COP1: variants seen among roughly 807,000 people sequenced by gnomAD.
COP1 encodes COP1 E3 ubiquitin ligase.
COP1 carries 24 observed loss-of-function variants against 101.3 expected under a neutral mutation model. The ratio of observed to expected loss-of-function variants is 0.24; its 90% CI spans 0.17 to 0.33. The LOEUF is 0.33. COP1 is among the 10% of genes least tolerant of loss of function. The pLI is 1.00. For synonymous variants in COP1, 347 were observed against 341.9 expected (o/e 1.01, Z -0.17); for missense variants, 663 against 906.2 (o/e 0.73, Z 3.45).
At chr1:176,168,420 G>A (rs1045327253) in intron 3 of COP1, among the ~76,000 whole-genome samples, 1 of 148,746 alleles carries the variant, frequency 6.7e-6, no homozygotes, top group Non-Finnish European at 1.5e-5. Flanking sequence ...GGGGGAGTAC[G>A]GGGGAAAGGA....
chr1:176,109,926 G>A (rs1025478480), intron 9 of COP1, among the ~76,000 whole-genome samples: 1 of 152,070 alleles, frequency 6.6e-6, no homozygotes, highest in Middle Eastern at 3.4e-3. Context: ...ATCTAAAAAT[G>A]AAAGCATTCA....
intron 15 of COP1, among the ~76,000 whole-genome samples, chr1:175,997,696 G>A (rs1660525160): frequency 6.6e-6 from 1 of 152,160 alleles, no homozygotes; most frequent in Non-Finnish European, 1.5e-5. Context: ...AAACCACAAT[G>A]AGATACCATC....
intron 5 of COP1, among the ~76,000 whole-genome samples, chr1:176,152,682 T>A (rs1346196782): frequency 6.6e-6 from 1 of 152,128 alleles, no homozygotes; most frequent in Non-Finnish European, 1.5e-5. Context: ...TCCTAAGTGA[T>A]CTGCCTTCCT....
At chr1:175,984,946 G>A (rs931118345) in intron 18 of COP1, among the ~76,000 whole-genome samples, 13 of 152,154 alleles carry the variant, frequency 8.5e-5, no homozygotes, top group African/African-American at 3.1e-4. Context: ...CTGATTTGCT[G>A]ATGATTTTAC....
At chr1:176,069,354 C>CA (rs949427281) in intron 11 of COP1, among the ~76,000 whole-genome samples, 1 of 152,180 alleles carries the variant, frequency 6.6e-6, no homozygotes, top group African/African-American at 2.4e-5. Context: ...TTTAAAGCAG[C>CA]ATTTCAAATG....
At chr1:176,196,793 A>C (rs932730449) in intron 1 of COP1, among the ~76,000 whole-genome samples, 2 of 151,904 alleles carry the variant, frequency 1.3e-5, no homozygotes, top group Middle Eastern at 3.2e-3. Context: ...TAATCCCAGC[A>C]CTTTGAGAGG....
chr1:175,947,262 A>G (rs755213933), intron 18 of COP1, 23 bp from the exon 19 acceptor site: 30 of 1,571,260 alleles, frequency 1.9e-5, no homozygotes, highest in Non-Finnish European at 2.5e-5. Flanking sequence ...AAGAGCTTTT[A>G]AAGTATAGAG....
At chr1:176,155,093 T>G (rs1006906686) in intron 5 of COP1, among the ~76,000 whole-genome samples, 1 of 152,098 alleles carries the variant, frequency 6.6e-6, no homozygotes, top group Non-Finnish European at 1.5e-5. Flanking sequence ...GACAACACTT[T>G]CACAGTACAA....
At chr1:176,042,024 A>G (rs1670639166) in intron 14 of COP1, among the ~76,000 whole-genome samples, 1 of 152,138 alleles carries the variant, frequency 6.6e-6, no homozygotes, top group Non-Finnish European at 1.5e-5. Flanking sequence ...AGGCAAAAGA[A>G]TCGCTTGAAC....
intron 11 of COP1, among the ~76,000 whole-genome samples, chr1:176,050,478 C>T (rs943195948): frequency 3.3e-5 from 5 of 152,112 alleles, no homozygotes; most frequent in African/African-American, 1.2e-4. Flanking sequence ...CAACTTATAT[C>T]AAATTAAAAT....
In COP1 at chr1:176,034,490, C is replaced by CT. The variant is rs896632035; in HGVS notation, c.1613-6803dup. Reference sequence around the variant, plus strand: ...ATTTTTCTTATTTATTCTCTTGCTTCTTTGCCCTTGTGGTGGGCCCTACTA... The same window carrying CT: ...ATTTTTCTTATTTATTCTCTTGCTTCTTTTGCCCTTGTGGTGGGCCCTACTA... On this transcript the variant is annotated intron_variant, in intron 14 of 19. Coordinates refer to ENST00000367669, the MANE Select transcript of COP1 (RefSeq NM_022457.7). Among the ~76,000 whole-genome samples, 18 of 152,296 alleles carry CT rather than the reference C, an allele frequency of 1.2e-4. No homozygotes were observed. In the East Asian group the frequency reaches 3.5e-3, roughly 29 times the overall value.
At chr1:176,158,876 G>A (rs937059403) in intron 5 of COP1, among the ~76,000 whole-genome samples, 18 of 152,112 alleles carry the variant, frequency 1.2e-4, no homozygotes, top group African/African-American at 4.3e-4. Context: ...CCTGAGCTCA[G>A]GCAATCCACC....
At chr1:176,038,817 CAAA>C (rs57682179) in intron 14 of COP1, among the ~76,000 whole-genome samples, 15 of 133,680 alleles carry the variant, frequency 1.1e-4, no homozygotes, top group Admixed American at 1.5e-4. Flanking sequence ...GACTCCATCT[CAAA>C]AAAAAAAAAA....
At chr1:176,156,803 T>C (rs1489787289) in intron 5 of COP1, among the ~76,000 whole-genome samples, 1 of 152,060 alleles carries the variant, frequency 6.6e-6, no homozygotes, top group Non-Finnish European at 1.5e-5. Flanking sequence ...TCAAAATACA[T>C]GAAGCAAAAA....
intron 8 of COP1, among the ~76,000 whole-genome samples, chr1:176,120,909 T>C (rs1687011972): frequency 6.6e-6 from 1 of 152,120 alleles, no homozygotes. Flanking sequence ...AAGAGAAATT[T>C]TTAATCGATG....
chr1:176,163,932 T>C, intron 3 of COP1, 41 bp from the exon 4 acceptor site: 1 of 1,397,270 alleles, frequency 7.2e-7, no homozygotes, highest in Non-Finnish European at 1.0e-6. Flanking sequence ...ATAATTTGTA[T>C]TTTTGTTAAA....
intron 3 of COP1, among the ~76,000 whole-genome samples, chr1:176,165,686 A>AAAAT (rs146266303): frequency 2.0e-5 from 3 of 151,992 alleles, no homozygotes; most frequent in Non-Finnish European, 2.9e-5. Context: ...ACTCCATCTC[A>AAAAT]AAATAAATAA....
At chr1:175,965,722 G>A (rs991691999) in intron 18 of COP1, among the ~76,000 whole-genome samples, 3 of 152,048 alleles carry the variant, frequency 2.0e-5, no homozygotes, top group Non-Finnish European at 4.4e-5. Flanking sequence ...CTGAGTAGCT[G>A]GGATTACATG....
At chr1:176,007,924 CG>C (rs921545097) in intron 15 of COP1, among the ~76,000 whole-genome samples, 3 of 152,204 alleles carry the variant, frequency 2.0e-5, no homozygotes, top group Non-Finnish European at 4.4e-5. Flanking sequence ...TGGGTAATGG[CG>C]GGCGCCCCTC....
Sources: gnomAD v4.1 joint callset for allele counts (sites outside exome capture counted in the v4.1 genomes callset) on GRCh38, gnomAD v4.1.1 for gene constraint, MANE v1.5 for transcripts, NCBI Gene and HGNC (gene_info 2026-07-23, HGNC 2026-07-21) for gene names.